The following LNX1 variants were observed in gnomAD, a reference collection of about 807,000 sequenced individuals.
LNX1 encodes ligand of numb-protein X 1, also known as E3 ubiquitin-protein ligase LNX.
A neutral mutation model predicts 68.4 loss-of-function variants in LNX1; 54 were observed. The ratio of observed to expected loss-of-function variants is 0.79; its 90% CI spans 0.63 to 0.99. The LOEUF is 0.99. Among genes scored for constraint, LNX1 ranks in the 50% least tolerant of loss-of-function variants. The pLI is 0.00. For missense variants in LNX1, 906 were observed against 926.4 expected (o/e 0.98, Z 0.29); for synonymous variants, 336 against 350.0 (o/e 0.96, Z 0.45).
At chr4:53,490,850 C>T (rs1449222509) in intron 6 of LNX1, among the ~76,000 whole-genome samples, 1 of 152,148 alleles carries the variant, frequency 6.6e-6, no homozygotes, top group Non-Finnish European at 1.5e-5. Flanking sequence ...AAACGGCATG[C>T]GATTGCTTAG....
At chr4:53,603,843 C>G (rs1377876653) in intron 2 of LNX1, 9 of 152,218 alleles carry the variant, frequency 5.9e-5, no homozygotes, top group Admixed American at 1.3e-4. Flanking sequence ...AATATCCAGA[C>G]TATATCGGGG....
intron 2 of LNX1, among the ~76,000 whole-genome samples, chr4:53,605,437 T>C (rs1319757965): frequency 6.6e-6 from 1 of 151,236 alleles, no homozygotes; most frequent in Non-Finnish European, 1.5e-5. Context: ...TGTATGGGGG[T>C]GGGGGGTAAA....
rs528353878 is a variant in LNX1 at position 53,474,789 on chromosome 4, CAG to C, written c.1892+1962_1892+1963del. Among the ~76,000 whole-genome samples the C allele has an allele frequency of 4.4e-3, 664 of 150,290 alleles. 4 individuals are homozygous for C. The highest frequency in any genetic ancestry group is 0.032 in the Middle Eastern group (9 of 284). ...TCTACTTCTTCTTTTTTTTTTGAGA[CAG>C]AGTCTCTCTCTGTCACCCAGGCTGG... On this transcript the variant is annotated intron_variant, in intron 9 of 10. Coordinates refer to ENST00000263925, the MANE Select transcript of LNX1 (RefSeq NM_001126328.3).
At chr4:53,519,370 C>A (rs146270849) in intron 2 of LNX1, among the ~76,000 whole-genome samples, 25 of 151,784 alleles carry the variant, frequency 1.6e-4, no homozygotes, top group African/African-American at 6.1e-4. Context: ...GGTACCCTTT[C>A]TCTCCTGTTA....
At chr4:53,642,876 G>A (rs1187904487) in intron 1 of LNX1, among the ~76,000 whole-genome samples, 6 of 152,196 alleles carry the variant, frequency 3.9e-5, no homozygotes, top group African/African-American at 1.4e-4. Flanking sequence ...CACCCTCTGA[G>A]GACCGTTATG....
chr4:53,495,937 T>A (rs1408176720), intron 6 of LNX1, 86 bp downstream of exon 6: 1 of 1,486,726 alleles, frequency 6.7e-7, no homozygotes, highest in Non-Finnish European at 9.1e-7. Flanking sequence ...CATGTGGTAG[T>A]GACAGGGTGC....
chr4:53,527,051 T>A (rs1438032860), intron 2 of LNX1, among the ~76,000 whole-genome samples: 215 of 121,414 alleles, frequency 1.8e-3, no homozygotes, highest in East Asian at 2.2e-3. Context: ...TCCCTGCCCC[T>A]AAAAAAAAAA....
At chr4:53,469,423 TAAAAG>T (rs1285958721) in intron 9 of LNX1, among the ~76,000 whole-genome samples, 1 of 151,988 alleles carries the variant, frequency 6.6e-6, no homozygotes, top group Non-Finnish European at 1.5e-5. Context: ...ACATCACAAT[TAAAAG>T]AACTAGAGAA....
intron 2 of LNX1, among the ~76,000 whole-genome samples, chr4:53,571,515 A>T (rs1731169758): frequency 6.6e-6 from 1 of 152,146 alleles, no homozygotes; most frequent in Admixed American, 6.5e-5. Flanking sequence ...GCCACGAGCC[A>T]AGGAAGACAG....
chr4:53,482,797 C>A (rs775736457), intron 6 of LNX1, among the ~76,000 whole-genome samples: 3 of 152,146 alleles, frequency 2.0e-5, no homozygotes, highest in Admixed American at 6.5e-5. Context: ...CAGACTTCAC[C>A]ACCATACAAT....
intron 1 of LNX1, among the ~76,000 whole-genome samples, chr4:53,642,131 A>C (rs1734709882): frequency 6.7e-6 from 1 of 148,342 alleles, no homozygotes; most frequent in Non-Finnish European, 1.5e-5. Flanking sequence ...CTAAGATGGG[A>C]GGATTGCTTG....
chr4:53,634,424 A>G (rs1326179046), intron 1 of LNX1, among the ~76,000 whole-genome samples: 1 of 151,852 alleles, frequency 6.6e-6, no homozygotes, highest in Non-Finnish European at 1.5e-5. Context: ...TTTGTATTTT[A>G]GTAGAGACGG....
intron 9 of LNX1, among the ~76,000 whole-genome samples, chr4:53,463,170 A>AAAAT (rs1722319035): frequency 6.6e-6 from 1 of 152,098 alleles, no homozygotes; most frequent in African/African-American, 2.4e-5. Flanking sequence ...ATAACCATCA[A>AAAAT]AAATATTACG....
intron 1 of LNX1, among the ~76,000 whole-genome samples, chr4:53,642,502 C>A (rs1357123629): frequency 2.0e-5 from 3 of 152,124 alleles, no homozygotes; most frequent in Non-Finnish European, 4.4e-5. Context: ...GGGCCAGCAC[C>A]AGCTAGGGGC....
At chr4:53,651,314 G>T (rs562381188) in intron 1 of LNX1, among the ~76,000 whole-genome samples, 1 of 152,168 alleles carries the variant, frequency 6.6e-6, no homozygotes, top group Non-Finnish European at 1.5e-5. Context: ...TCTGCACTGC[G>T]TCAGCATTCC....
chr4:53,515,751 A>G (rs1435111036), intron 2 of LNX1, among the ~76,000 whole-genome samples: 1 of 152,322 alleles, frequency 6.6e-6, no homozygotes. Flanking sequence ...AGGGTCTTCT[A>G]AGAAAGATGG....
chr4:53,498,624 A>G lies in LNX1; in HGVS notation c.978+17T>C, dbSNP rs768948566. On this transcript the variant is annotated intron_variant, in intron 5 of 10. Transcript: ENST00000263925. ...ATATCAAGCCCCTTGCTGCAGCCCC[A>G]CAGCCACAGTCTCTACCTTTAGAAT... 18 of 1,606,578 alleles carry G rather than the reference A, an allele frequency of 1.1e-5. No individual in the cohort carries two copies. The highest frequency in any genetic ancestry group is 3.3e-5 in the Admixed American group (2 of 60,002).
intron 2 of LNX1, among the ~76,000 whole-genome samples, chr4:53,573,310 G>A (rs543468779): frequency 6.6e-6 from 1 of 152,206 alleles, no homozygotes; most frequent in South Asian, 2.1e-4. Flanking sequence ...TTCTAGAGAT[G>A]GATGGTGGTG....
At chr4:53,464,457 AT>A (rs1722494672) in intron 9 of LNX1, among the ~76,000 whole-genome samples, 1 of 152,226 alleles carries the variant, frequency 6.6e-6, no homozygotes, top group African/African-American at 2.4e-5. Context: ...TACCTAACAA[AT>A]ATAAAATGTT....
Sources: allele counts gnomAD v4.1 joint callset (sites outside exome capture counted in the v4.1 genomes callset), GRCh38; gene constraint gnomAD v4.1.1; transcripts MANE v1.5; gene names NCBI Gene and HGNC (gene_info 2026-07-23, HGNC 2026-07-21).